Variants in GBE1 observed in about 807,000 individuals in gnomAD.
GBE1 encodes 1,4-alpha-glucan-branching enzyme.
Under a neutral mutation model 88.8 loss-of-function variants are expected in GBE1, and 70 were observed. The observed-to-expected ratio is 0.79, with a 90% CI of 0.65 to 0.96. The LOEUF is 0.96. Ranked by LOEUF, GBE1 falls within the 40% of genes least tolerant of loss-of-function variation. The probability of loss-of-function intolerance (pLI) is 0.00; values close to 1 mark genes in which losing one functional copy is unlikely to be tolerated. For missense variants in GBE1, 872 were observed against 871.0 expected (o/e 1.00, Z -0.01); for synonymous variants, 284 against 300.1 (o/e 0.95, Z 0.56).
intron 12 of GBE1, 83 bp from the exon 13 acceptor site, chr3:81,537,178 A>C (rs1000821790): frequency 1.1e-6 from 1 of 916,122 alleles, no homozygotes; most frequent in Non-Finnish European, 1.5e-6. Flanking sequence ...ATATGTTTTT[A>C]ATGTTTTTTA....
intron 14 of GBE1, among the ~76,000 whole-genome samples, chr3:81,520,279 T>C (rs374485460): frequency 6.6e-6 from 1 of 151,570 alleles, no homozygotes; most frequent in Non-Finnish European, 1.5e-5. Context: ...TAACAGTATA[T>C]GCTCACTGCA....
chr3:81,561,362 C>T (rs950385417), intron 12 of GBE1, among the ~76,000 whole-genome samples: 5 of 152,030 alleles, frequency 3.3e-5, no homozygotes, highest in Admixed American at 6.6e-5. Flanking sequence ...AATAATTTAC[C>T]TGAAACAATG....
chr3:81,574,653 T>G (rs1241383490), intron 12 of GBE1, among the ~76,000 whole-genome samples: 1 of 152,226 alleles, frequency 6.6e-6, no homozygotes, highest in Admixed American at 6.5e-5. Context: ...AAAAGGCAAC[T>G]GACCAGCTGC....
At chr3:81,654,602 A>G (rs1049726514) in intron 3 of GBE1, 2 of 152,188 alleles carry the variant, frequency 1.3e-5, no homozygotes, top group Non-Finnish European at 2.9e-5. Context: ...AATTGCCCCA[A>G]TTATACTACA....
chr3:81,705,391 A>G, intron 2 of GBE1, 53 bp downstream of exon 2: 2 of 1,241,992 alleles, frequency 1.6e-6, no homozygotes, highest in South Asian at 1.6e-5. Flanking sequence ...AAATATATGT[A>G]TTAAATAGTT....
At chr3:81,533,946 A>G (rs1346162576) in intron 14 of GBE1, among the ~76,000 whole-genome samples, 1 of 152,052 alleles carries the variant, frequency 6.6e-6, no homozygotes, top group East Asian at 1.9e-4. Context: ...GGGGAACTTG[A>G]TACTGTCACA....
intron 7 of GBE1, among the ~76,000 whole-genome samples, chr3:81,641,137 C>A (rs1451868927): frequency 6.6e-6 from 1 of 152,046 alleles, no homozygotes; most frequent in African/African-American, 2.4e-5. Flanking sequence ...TAATGTATTT[C>A]TTTTTAAGGT....
At chr3:81,675,141 T>C (rs1490755153) in intron 2 of GBE1, among the ~76,000 whole-genome samples, 1 of 152,034 alleles carries the variant, frequency 6.6e-6, no homozygotes, top group Non-Finnish European at 1.5e-5. Context: ...GACTACACTT[T>C]AGAAACAACT....
chr3:81,720,599 TA>T (rs1463572894), intron 1 of GBE1, among the ~76,000 whole-genome samples: 2 of 152,122 alleles, frequency 1.3e-5, no homozygotes, highest in Non-Finnish European at 2.9e-5. Context: ...TGAGCAACTC[TA>T]CTCTGTAGGT....
At chr3:81,720,387 A>G (rs1487145050) in intron 1 of GBE1, among the ~76,000 whole-genome samples, 2 of 150,740 alleles carry the variant, frequency 1.3e-5, no homozygotes, top group Non-Finnish European at 2.9e-5. Flanking sequence ...TATATCTTAT[A>G]TACACAAACC....
chr3:81,495,089 T>C (rs999585742), intron 15 of GBE1, among the ~76,000 whole-genome samples: 1 of 152,224 alleles, frequency 6.6e-6, no homozygotes, highest in African/African-American at 2.4e-5. Flanking sequence ...TCTGGTAGAA[T>C]GAAAACATCA....
intron 1 of GBE1, among the ~76,000 whole-genome samples, chr3:81,742,615 T>C (rs1259271245): frequency 6.6e-6 from 1 of 152,144 alleles, no homozygotes. Flanking sequence ...TGAAGGTGAA[T>C]GAAGCCAGGA....
intron 1 of GBE1, among the ~76,000 whole-genome samples, chr3:81,761,063 G>A (rs1175712270): frequency 6.6e-6 from 1 of 152,230 alleles, no homozygotes; most frequent in African/African-American, 2.4e-5. Flanking sequence ...CTCCCCAGCA[G>A]CACTCTGGGG....
intron 3 of GBE1, among the ~76,000 whole-genome samples, chr3:81,668,858 C>T (rs555772113): frequency 5.3e-5 from 8 of 152,298 alleles, no homozygotes; most frequent in African/African-American, 1.9e-4. Context: ...CCACAGGAAG[C>T]TGCTTCTACT....
intron 1 of GBE1, among the ~76,000 whole-genome samples, chr3:81,718,260 G>A (rs561415524): frequency 4.6e-5 from 7 of 152,224 alleles, no homozygotes; most frequent in East Asian, 1.9e-4. Context: ...GATTACAGGC[G>A]TGAGCCACTG....
chr3:81,644,568 C>A (rs916245930), intron 6 of GBE1, among the ~76,000 whole-genome samples: 3 of 152,114 alleles, frequency 2.0e-5, no homozygotes, highest in African/African-American at 7.2e-5. Context: ...GCCTTGGGAA[C>A]CAGTGTGAGG....
At chr3:81,597,177 C>T (rs1300714863) in intron 7 of GBE1, among the ~76,000 whole-genome samples, 1 of 151,764 alleles carries the variant, frequency 6.6e-6, no homozygotes, top group Admixed American at 6.6e-5. Context: ...ACTTTTTCTA[C>T]CTCAAAATGG....
intron 8 of GBE1, 137 bp from the exon 9 acceptor site, chr3:81,591,301 T>C (rs1387688649): frequency 8.8e-6 from 5 of 567,934 alleles, no homozygotes; most frequent in South Asian, 3.7e-5. Flanking sequence ...TCAGCAAATA[T>C]ACTGACTTAG....
intron 1 of GBE1, among the ~76,000 whole-genome samples, chr3:81,708,902 T>G (rs969993943): frequency 4.6e-5 from 7 of 152,056 alleles, no homozygotes; most frequent in Admixed American, 1.3e-4. Flanking sequence ...TCACAGATAG[T>G]GTTATTCAAG....
Sources: allele counts gnomAD v4.1 joint callset (sites outside exome capture counted in the v4.1 genomes callset), GRCh38; gene constraint gnomAD v4.1.1; transcripts MANE v1.5; gene names NCBI Gene and HGNC (gene_info 2026-07-23, HGNC 2026-07-21).